PDZD2: variants seen among roughly 807,000 people sequenced by gnomAD.
PDZD2 encodes PDZ domain containing 2, also known as PDZ domain-containing protein 2.
Under a neutral mutation model 220.7 loss-of-function variants are expected in PDZD2, and 90 were observed. The observed-to-expected ratio is 0.41, with a 90% confidence interval of 0.34 to 0.49. The LOEUF is 0.49. Ranked by LOEUF, PDZD2 falls within the 20% of genes least tolerant of loss-of-function variation. PDZD2 has a pLI of 0.28. For missense variants in PDZD2, 3,174 were observed against 3,608.5 expected, an observed-to-expected ratio of 0.88 and a Z score of 3.08; for synonymous variants, 1,375 against 1,450.5, an observed-to-expected ratio of 0.95 and a Z score of 1.18.
intron 1 of PDZD2, among the ~76,000 whole-genome samples, chr5:31,707,408 G>A (rs1053134871): frequency 2.0e-5 from 3 of 152,194 alleles, no homozygotes; most frequent in African/African-American, 4.8e-5. Flanking sequence ...TTCTGCTCAC[G>A]CACAGAAGAA....
At chr5:32,101,752 G>C (rs1744272670) in intron 24 of PDZD2, among the ~76,000 whole-genome samples, 1 of 152,118 alleles carries the variant, frequency 6.6e-6, no homozygotes, top group African/African-American at 2.4e-5. Flanking sequence ...AAAAGATGGG[G>C]GATAGATATT....
chr5:32,097,425 G>A (rs1256945984), intron 22 of PDZD2, 45 bp downstream of exon 22: 2 of 1,183,538 alleles, frequency 1.7e-6, no homozygotes, highest in African/African-American at 1.5e-5. Context: ...CCCCCCTCAA[G>A]CAGCCTCAGA....
At chr5:31,958,052 C>T (rs935994369) in intron 2 of PDZD2, among the ~76,000 whole-genome samples, 1 of 152,098 alleles carries the variant, frequency 6.6e-6, no homozygotes, top group Non-Finnish European at 1.5e-5. Flanking sequence ...AGAATTAAAG[C>T]AGCAGGGCTT....
intron 1 of PDZD2, among the ~76,000 whole-genome samples, chr5:31,650,398 C>T (rs1443049749): frequency 2.0e-5 from 3 of 152,136 alleles, no homozygotes; most frequent in African/African-American, 7.2e-5. Context: ...ACCACGATTC[C>T]ATACAGAATC....
At chr5:32,096,432 C>T (rs1047773550) in intron 21 of PDZD2, among the ~76,000 whole-genome samples, 2 of 152,162 alleles carry the variant, frequency 1.3e-5, no homozygotes, top group Non-Finnish European at 2.9e-5. Flanking sequence ...ATTCTCCTGC[C>T]TCAGCCTCCC....
intron 1 of PDZD2, among the ~76,000 whole-genome samples, chr5:31,686,532 T>A (rs563034881): frequency 1.3e-5 from 2 of 151,928 alleles, no homozygotes; most frequent in East Asian, 3.9e-4. Flanking sequence ...CCTGGCTGAA[T>A]TTTTTTGTAT....
At chr5:31,651,706 A>G (rs144127066) in intron 1 of PDZD2, among the ~76,000 whole-genome samples, 5,022 of 152,054 alleles carry the variant, frequency 0.033, 294 homozygotes, top group African/African-American at 0.12. Context: ...ATCTCGGCTC[A>G]CTGCAGCCTC....
intron 21 of PDZD2, among the ~76,000 whole-genome samples, 199 bp downstream of exon 21, chr5:32,093,223 T>G (rs1489965450): frequency 1.3e-5 from 2 of 152,208 alleles, no homozygotes; most frequent in African/African-American, 2.4e-5. Context: ...GACCTTGTCT[T>G]GAATGTTCAG....
In PDZD2 at chr5:32,027,092, CG is replaced by C. The variant is rs1187215727; in HGVS notation, c.1408-10135del. Among the ~76,000 whole-genome samples, 14 of 152,102 alleles carry C rather than the reference CG, an allele frequency of 9.2e-5. No individual in the cohort carries two copies. In the East Asian group the frequency reaches 2.7e-3, roughly 30 times the overall value. ...TGATTTTTTGTACTTTTAGTAGAGA[CG>C]GGGTTTCACCATGTTGGCCAGGCTG... On this transcript the variant is annotated intron_variant, in intron 6 of 24. Transcript: ENST00000438447.
chr5:31,773,077 C>G (rs1188815780), intron 1 of PDZD2, among the ~76,000 whole-genome samples: 1 of 152,130 alleles, frequency 6.6e-6, no homozygotes, highest in Admixed American at 6.5e-5. Context: ...CATTGAGAAG[C>G]AACATGTCTG....
intron 2 of PDZD2, among the ~76,000 whole-genome samples, chr5:31,907,637 CTG>C (rs1348470433): frequency 6.6e-6 from 1 of 152,160 alleles, no homozygotes; most frequent in Non-Finnish European, 1.5e-5. Context: ...AGAGAGGACA[CTG>C]TGAAATACAA....
chr5:31,865,621 CTTTTTTTTTTTTT>C (rs776271275), intron 2 of PDZD2, among the ~76,000 whole-genome samples: 12 of 67,776 alleles, frequency 1.8e-4, no homozygotes, highest in African/African-American at 4.9e-4. Context: ...CTACTGGCAA[CTTTTTTTTTTTTT>C]TTTTTTTTTT....
At chr5:31,679,256 T>G (rs1238489576) in intron 1 of PDZD2, among the ~76,000 whole-genome samples, 1 of 152,270 alleles carries the variant, frequency 6.6e-6, no homozygotes, top group African/African-American at 2.4e-5. Context: ...ATTCCAGGCT[T>G]CCTTATGGAA....
At chr5:31,962,307 C>G (rs1299084260) in intron 2 of PDZD2, among the ~76,000 whole-genome samples, 1 of 152,204 alleles carries the variant, frequency 6.6e-6, no homozygotes, top group Non-Finnish European at 1.5e-5. Context: ...TTTGCTCAAA[C>G]CCAAAGTACC....
rs1025253388 is a variant in PDZD2 at position 31,856,060 on chromosome 5, C to T, written c.476+56336C>T. Among the ~76,000 whole-genome samples, 15 of 152,178 alleles carry T rather than the reference C, an allele frequency of 9.9e-5. No homozygotes were observed. The East Asian group carries it at 2.5e-3, about 25-fold the overall frequency. The stretch of plus-strand genomic sequence containing the variant: ...TGGTATCATAAGGGGATATAATAAA[C>T]TCTAAATAATATAGACATATCTTTA... On this transcript the variant is annotated intron_variant, in intron 2 of 24. Transcript: ENST00000438447.
chr5:31,661,835 G>C (rs1745780437), intron 1 of PDZD2, among the ~76,000 whole-genome samples: 1 of 141,428 alleles, frequency 7.1e-6, no homozygotes, highest in African/African-American at 2.6e-5. Flanking sequence ...GGGGCAAAAA[G>C]GTAAATGTCG....
At chr5:32,069,434 G>A (rs1316080669) in intron 14 of PDZD2, 135 bp from the exon 15 acceptor site, 12 of 629,426 alleles carry the variant, frequency 1.9e-5, no homozygotes, top group East Asian at 5.6e-5. Flanking sequence ...TTACAGCTTC[G>A]GAGGATGGTC....
At chr5:31,665,713 T>C (rs1745963671) in intron 1 of PDZD2, among the ~76,000 whole-genome samples, 1 of 146,878 alleles carries the variant, frequency 6.8e-6, no homozygotes, top group South Asian at 2.2e-4. Flanking sequence ...GCCATGATTG[T>C]AAGTTTCCTG....
At chr5:32,037,384 T>C in intron 7 of PDZD2, 42 bp downstream of exon 7, 1 of 1,135,914 alleles carries the variant, frequency 8.8e-7, no homozygotes, top group Non-Finnish European at 1.3e-6. Context: ...CTAGGATGAG[T>C]TTTCAGCCTC....
Sources: gnomAD v4.1 joint callset for allele counts (sites outside exome capture counted in the v4.1 genomes callset) on GRCh38, gnomAD v4.1.1 for gene constraint, MANE v1.5 for transcripts, NCBI Gene and HGNC (gene_info 2026-07-23, HGNC 2026-07-21) for gene names.